CSMD1: variants seen among roughly 807,000 people sequenced by gnomAD.
The protein encoded by CSMD1 is CUB and Sushi multiple domains 1, also known as CUB and sushi domain-containing protein 1.
Under a neutral mutation model 417.5 loss-of-function variants are expected in CSMD1, and 213 were observed. The observed-to-expected ratio is 0.51, with a 90% confidence interval of 0.46 to 0.57. CSMD1 has a LOEUF of 0.57. Ranked by LOEUF, CSMD1 falls within the 20% of genes least tolerant of loss-of-function variation. CSMD1 has a pLI of 0.00. For synonymous variants in CSMD1, 2,862 were observed against 1,736.8 expected (o/e 1.65, Z -16.11); for missense variants, 6,923 against 4,529.7 (o/e 1.53, Z -15.17).
intron 37 of CSMD1, among the ~76,000 whole-genome samples, chr8:3,162,898 A>AT (rs1412660058): frequency 6.6e-6 from 1 of 152,176 alleles, no homozygotes; most frequent in South Asian, 2.1e-4. Flanking sequence ...ACACTCACAG[A>AT]TTTTTTTAAA....
chr8:3,141,900 C>G (rs1267813939), intron 41 of CSMD1, among the ~76,000 whole-genome samples: 2 of 151,916 alleles, frequency 1.3e-5, no homozygotes, highest in Non-Finnish European at 2.9e-5. Context: ...CGGGTTCACG[C>G]CACTCTCCTG....
At chr8:3,482,218 C>A (rs777102734) in intron 11 of CSMD1, among the ~76,000 whole-genome samples, 1 of 152,024 alleles carries the variant, frequency 6.6e-6, no homozygotes, top group Non-Finnish European at 1.5e-5. Context: ...CTAGATATGC[C>A]ACTGAAATAT....
chr8:4,281,472 A>C (rs1333385911), intron 3 of CSMD1, among the ~76,000 whole-genome samples: 1 of 152,230 alleles, frequency 6.6e-6, no homozygotes, highest in African/African-American at 2.4e-5. Flanking sequence ...GGCACACTCC[A>C]ACCTTCTGTT....
At chr8:4,146,745 G>A (rs1056485026) in intron 3 of CSMD1, among the ~76,000 whole-genome samples, 3 of 149,262 alleles carry the variant, frequency 2.0e-5, no homozygotes, top group Non-Finnish European at 2.9e-5. Flanking sequence ...CAGAGGAGCT[G>A]GGACTACAGG....
chr8:4,869,133 A>C (rs1802585648), intron 1 of CSMD1, among the ~76,000 whole-genome samples: 1 of 152,088 alleles, frequency 6.6e-6, no homozygotes, highest in Admixed American at 6.5e-5. Context: ...AAATGTCATC[A>C]AATTTGTGAC....
intron 5 of CSMD1, among the ~76,000 whole-genome samples, chr8:3,805,850 T>C (rs1800704680): frequency 1.3e-5 from 2 of 152,234 alleles, no homozygotes; most frequent in East Asian, 3.9e-4. Context: ...TGACAAAAAT[T>C]TCATGCCTCA....
At chr8:4,742,142 T>C (rs1810654376) in intron 1 of CSMD1, among the ~76,000 whole-genome samples, 1 of 148,664 alleles carries the variant, frequency 6.7e-6, no homozygotes, top group Non-Finnish European at 1.5e-5. Context: ...GCCATTCTCC[T>C]GCCTCAGCCT....
intron 8 of CSMD1, among the ~76,000 whole-genome samples, chr8:3,596,534 A>T (rs948007366): frequency 2.0e-5 from 3 of 152,148 alleles, no homozygotes; most frequent in African/African-American, 7.2e-5. Flanking sequence ...GGAACTTATC[A>T]CTTAAATCCG....
chr8:3,394,900 A>G (rs1040244893), intron 17 of CSMD1, among the ~76,000 whole-genome samples: 7 of 152,198 alleles, frequency 4.6e-5, no homozygotes, highest in Non-Finnish European at 1.0e-4. Context: ...AGTCATTGAT[A>G]AGCAATTTTC....
intron 5 of CSMD1, among the ~76,000 whole-genome samples, chr8:3,957,085 A>G (rs1333440176): frequency 6.6e-6 from 1 of 152,002 alleles, no homozygotes; most frequent in African/African-American, 2.4e-5. Context: ...GAGGCTCTGT[A>G]TATGTCTTTG....
chr8:3,929,359 T>C lies in CSMD1; in HGVS notation c.818+68544A>G, dbSNP rs938854533. Among the ~76,000 whole-genome samples the C allele has an allele frequency of 6.2e-4, 93 of 150,538 alleles. 3 individuals carry two copies. Among genetic ancestry groups the C allele is most frequent in the African/African-American group, 2.2e-3 (91 of 40,790 alleles). ...CATACATAATTTTTAATACTAGACA[T>C]TATTTGAAAAAGTTCGTGAATGTTC... On this transcript the variant is annotated intron_variant, in intron 5 of 69. Transcript: ENST00000635120.
intron 3 of CSMD1, among the ~76,000 whole-genome samples, chr8:4,036,616 G>C (rs997915966): frequency 1.1e-4 from 17 of 152,202 alleles, no homozygotes; most frequent in Admixed American, 8.5e-4. Context: ...GCAGATGTTA[G>C]AAGCAGCGGA....
At chr8:4,115,884 G>T (rs1041162915) in intron 3 of CSMD1, among the ~76,000 whole-genome samples, 5 of 152,046 alleles carry the variant, frequency 3.3e-5, no homozygotes, top group African/African-American at 1.2e-4. Flanking sequence ...TGGGAAAACA[G>T]GAAGACAGAA....
intron 1 of CSMD1, among the ~76,000 whole-genome samples, chr8:4,920,549 C>A (rs1806368475): frequency 6.6e-6 from 1 of 152,116 alleles, no homozygotes; most frequent in Non-Finnish European, 1.5e-5. Context: ...AGGCCAGGCA[C>A]AGTGGCTCAT....
chr8:4,886,693 A>G lies in CSMD1; in HGVS notation c.85+107639T>C, dbSNP rs549015362. Among the ~76,000 whole-genome samples the G allele has an allele frequency of 8.6e-5, 13 of 151,790 alleles. No individual in the cohort carries two copies. In the East Asian group the frequency reaches 2.3e-3, roughly 27 times the overall value. ...CAGTACATATCACAGATTCATTCAG[A>G]TTTTCTATTTCTTCTTGAGTCACTT... On this transcript the variant is annotated intron_variant, in intron 1 of 69. Coordinates refer to ENST00000635120, the MANE Select transcript of CSMD1 (RefSeq NM_033225.6).
chr8:4,118,321 A>C (rs2130933058), intron 3 of CSMD1, among the ~76,000 whole-genome samples: 1 of 152,270 alleles, frequency 6.6e-6, no homozygotes, highest in South Asian at 2.1e-4. Context: ...ACTGCAGCAA[A>C]CTTAAAAATA....
Position 4,938,243 on chromosome 8 carries a change from G to T in CSMD1, c.85+56089C>A, listed in dbSNP as rs533762079. On this transcript the variant is annotated intron_variant, in intron 1 of 69. Transcript: ENST00000635120. ...TGGAGTGACTGGTACACTAGAAAATGGATTTCAATAATTTCCAAAACTCTA... is the reference window on the plus strand; with the variant it reads ...TGGAGTGACTGGTACACTAGAAAATTGATTTCAATAATTTCCAAAACTCTA... 1.7e-4 allele frequency among the ~76,000 whole-genome samples: 26 copies of T among 152,234 alleles called. 1 individual carries two copies. The highest frequency in any genetic ancestry group is 5.5e-4 in the African/African-American group (23 of 41,546).
chr8:3,499,149 A>T (rs1189186248), intron 10 of CSMD1, among the ~76,000 whole-genome samples: 1 of 152,198 alleles, frequency 6.6e-6, no homozygotes, highest in Non-Finnish European at 1.5e-5. Context: ...TAGTAGGAAA[A>T]AACTTTTTCC....
At chr8:4,252,925 T>A (rs367966073) in intron 3 of CSMD1, among the ~76,000 whole-genome samples, 5 of 152,194 alleles carry the variant, frequency 3.3e-5, no homozygotes, top group African/African-American at 9.6e-5. Context: ...GCTGGACCCA[T>A]GGCAGCAGAA....
Sources: allele counts gnomAD v4.1 joint callset (sites outside exome capture counted in the v4.1 genomes callset), GRCh38; gene constraint gnomAD v4.1.1; transcripts MANE v1.5; gene names NCBI Gene and HGNC (gene_info 2026-07-23, HGNC 2026-07-21).